Variants in GPALPP1 observed in about 807,000 individuals in gnomAD.
GPALPP1 encodes GPALPP motifs containing 1.
Under a neutral mutation model 38.9 loss-of-function variants are expected in GPALPP1, and 30 were observed. The ratio of observed to expected loss-of-function variants is 0.77; its 90% CI spans 0.58 to 1.05. The LOEUF is 1.05. GPALPP1 is among the 50% of genes least tolerant of loss of function. The pLI is 0.00. For synonymous variants in GPALPP1, 120 were observed against 139.2 expected (o/e 0.86, Z 0.97); for missense variants, 384 against 408.8 (o/e 0.94, Z 0.52).
chr13:44,989,719 A>G lies in GPALPP1; in HGVS notation c.65A>G (p.Asp22Gly). The G allele has an allele frequency of 6.2e-7, 1 of 1,610,218 alleles. No individual in the cohort carries two copies. Among genetic ancestry groups the G allele is most frequent in the Non-Finnish European group, 8.5e-7 (1 of 1,179,710 alleles). ...TTCAAGGCCCGCGGAACAGCGGAGG[A>G]CGAAGAGCGGGACCCGAGCCCTGGT... ...PGFKARGTAE[D>G]EERDPSPVAG... is the part of the protein sequence containing the mutation. The change falls in exon 1 of 8, where the codon GAC becomes GGC. Residue 22 changes from aspartate (D) to glycine (G), a missense_variant. By Grantham distance (94) the Asp-to-Gly change is moderately conservative. Coordinates refer to ENST00000379151, the MANE Select transcript of GPALPP1 (RefSeq NM_018559.5).
intron 4 of GPALPP1, among the ~76,000 whole-genome samples, chr13:45,010,711 G>A (rs1037892596): frequency 5.3e-5 from 8 of 152,212 alleles, no homozygotes; most frequent in Admixed American, 3.9e-4. Context: ...TCAGCCAGGC[G>A]CAGTGGTTCA....
At chr13:45,027,552 AC>A (rs1350758319) in intron 7 of GPALPP1, among the ~76,000 whole-genome samples, 1 of 151,340 alleles carries the variant, frequency 6.6e-6, no homozygotes, top group African/African-American at 2.4e-5. Context: ...TTTCTTTCAC[AC>A]CCCGTTCTTG....
downstream of GPALPP1, chr13:45,031,898 C>T (rs1435801823): frequency 3.3e-5 from 5 of 152,180 alleles, no homozygotes; most frequent in South Asian, 1.0e-3. Context: ...GGCCAAGTGT[C>T]ATAGGAATGT....
intron 4 of GPALPP1, among the ~76,000 whole-genome samples, chr13:45,013,025 T>C (rs139613234): frequency 6.6e-6 from 1 of 152,302 alleles, no homozygotes; most frequent in East Asian, 1.9e-4. Context: ...AAAATGGAAC[T>C]TTATCTTAAC....
At position 45,028,024 on chromosome 13, in the gene GPALPP1, T is replaced by C. The variant is rs1875968226; in HGVS notation, c.*21T>C. On this transcript the variant is annotated 3_prime_UTR_variant, in exon 8 of 8. Transcript: ENST00000379151. ...TATAAGTAAGTATATTTCAGTGAGG[T>C]ATATTTTAATACTGATCAATGTGAA... 8.3e-7 allele frequency: 1 copy of C among 1,205,702 alleles called. No individual in the cohort carries two copies. The highest frequency in any genetic ancestry group is 1.5e-5 in the African/African-American group (1 of 66,788). The allele number at this position is 1,205,702 out of a possible 1,614,324, so 74.7% of individuals were successfully genotyped here. A position where few individuals can be genotyped will look rare whatever the true frequency, so the allele number is the denominator to read the frequency against.
rs1195156696 is a variant in GPALPP1, at chr13:45,029,061, A to C, written c.*1058A>C. The C allele has an allele frequency of 6.6e-6, 1 of 152,132 alleles. No homozygotes were observed. The allele number at this position is 152,132 out of a possible 1,614,324, so 9.4% of individuals were successfully genotyped here. A position where few individuals can be genotyped will look rare whatever the true frequency, so the allele number is the denominator to read the frequency against. On this transcript the variant is annotated 3_prime_UTR_variant, in exon 8 of 8. Coordinates refer to ENST00000379151, the MANE Select transcript of GPALPP1 (RefSeq NM_018559.5). ...TGACAAGATCGAGAGACTCTGTCTC[A>C]AAAAAGAAAGAAAAAGAGAAGAAAA...
At chr13:44,999,817 A>G (rs1000733179) in intron 1 of GPALPP1, among the ~76,000 whole-genome samples, 2 of 152,078 alleles carry the variant, frequency 1.3e-5, no homozygotes, top group African/African-American at 4.8e-5. Context: ...TGACCTCATG[A>G]TCCGCCTGCC....
chr13:45,014,823 C>T (rs1336038099), intron 4 of GPALPP1, 129 bp from the exon 5 acceptor site: 11 of 695,008 alleles, frequency 1.6e-5, no homozygotes, highest in Non-Finnish European at 2.5e-5. Context: ...AGTGATGAGC[C>T]AGCAATACAT....
At position 44,989,568 on chromosome 13, in the gene GPALPP1, T is replaced by C. The variant is rs146353579; in HGVS notation, c.-87T>C. ...TTCTCGGCGCCGGGAAACCTGCCAT[T>C]CTTCGCTGCTGATCGCGGGATTCTT... On this transcript the variant is annotated 5_prime_UTR_variant, in exon 1 of 8. Coordinates refer to ENST00000379151, the MANE Select transcript of GPALPP1 (RefSeq NM_018559.5). The C allele has an allele frequency of 1.2e-4, 172 of 1,487,924 alleles. No homozygotes were observed. In the Middle Eastern group the frequency reaches 1.4e-3, roughly 12 times the overall value. 92.2% of individuals were successfully genotyped at this position (1,487,924 alleles called of 1,614,324 possible). A position where few individuals can be genotyped will look rare whatever the true frequency, so the allele number is the denominator to read the frequency against.
chr13:45,015,393 T>C, intron 5 of GPALPP1, 39 bp from the exon 6 acceptor site: 1 of 1,334,328 alleles, frequency 7.5e-7, no homozygotes, highest in Non-Finnish European at 1.0e-6. Flanking sequence ...TTATACACGA[T>C]ATGTACTTTC....
At chr13:45,021,169 C>T (rs59166444) in intron 7 of GPALPP1, among the ~76,000 whole-genome samples, 1 of 152,078 alleles carries the variant, frequency 6.6e-6, no homozygotes, top group South Asian at 2.1e-4. Context: ...TGATAAATGT[C>T]CCCGCTCAAA....
chr13:45,013,099 A>G (rs1366130308), intron 4 of GPALPP1, among the ~76,000 whole-genome samples: 1 of 152,236 alleles, frequency 6.6e-6, no homozygotes, highest in Admixed American at 6.5e-5. Flanking sequence ...CAAAATAAGG[A>G]AAATATGTTT....
intron 1 of GPALPP1, among the ~76,000 whole-genome samples, chr13:44,999,456 T>G (rs1873512307): frequency 6.6e-6 from 1 of 152,194 alleles, no homozygotes; most frequent in Non-Finnish European, 1.5e-5. Context: ...CATTACATGT[T>G]CCCAAAATAA....
At chr13:45,006,032 TAAA>T (rs67132896) in intron 2 of GPALPP1, among the ~76,000 whole-genome samples, 167 bp from the exon 3 acceptor site, 1 of 148,078 alleles carries the variant, frequency 6.8e-6, no homozygotes, top group African/African-American at 2.5e-5. Context: ...TCTCAAAAAA[TAAA>T]AAAAAAAAAA....
chr13:44,990,360 A>G (rs1214416099), intron 1 of GPALPP1: 1 of 163,182 alleles, frequency 6.1e-6, no homozygotes, highest in Non-Finnish European at 1.3e-5. Flanking sequence ...ATAACTGACA[A>G]ACTTCTCCCC....
chr13:44,994,217 CAAAAAA>C (rs1165851530), intron 1 of GPALPP1, among the ~76,000 whole-genome samples: 1 of 61,494 alleles, frequency 1.6e-5, no homozygotes, highest in Admixed American at 1.8e-4. Context: ...GACCCTGTCT[CAAAAAA>C]AAAAAAAAAA....
At chr13:45,013,890 T>G (rs1026990135) in intron 4 of GPALPP1, among the ~76,000 whole-genome samples, 1 of 152,160 alleles carries the variant, frequency 6.6e-6, no homozygotes, top group South Asian at 2.1e-4. Flanking sequence ...TTAAAAGAAA[T>G]AACTCATCCA....
downstream of GPALPP1, among the ~76,000 whole-genome samples, chr13:45,032,531 A>G (rs1336359668): frequency 2.6e-5 from 4 of 151,282 alleles, no homozygotes; most frequent in African/African-American, 4.8e-5. Flanking sequence ...TCAGCCTCCC[A>G]AGTAGCTGGG....
At chr13:45,027,322 G>A (rs1301337175) in intron 7 of GPALPP1, among the ~76,000 whole-genome samples, 1 of 151,938 alleles carries the variant, frequency 6.6e-6, no homozygotes, top group Non-Finnish European at 1.5e-5. Flanking sequence ...GGGAATTAAG[G>A]GAAAAAGAGA....
Sources: gnomAD v4.1 joint callset for allele counts (sites outside exome capture counted in the v4.1 genomes callset) on GRCh38, gnomAD v4.1.1 for gene constraint, MANE v1.5 for transcripts, NCBI Gene and HGNC (gene_info 2026-07-23, HGNC 2026-07-21) for gene names.